The following ACER1 variants were observed in gnomAD, a reference collection of about 807,000 sequenced individuals.
ACER1 encodes the protein alkaline ceramidase 1.
A neutral mutation model predicts 24.9 loss-of-function variants in ACER1; 28 were observed. The ratio of observed to expected loss-of-function variants is 1.13; its 90% CI spans 0.83 to 1.54. The LOEUF is 1.54. Among genes scored for constraint, ACER1 ranks in the 40% most tolerant of loss-of-function variants. The probability of loss-of-function intolerance (pLI) is 0.00; values close to 1 mark genes in which losing one functional copy is unlikely to be tolerated. For missense variants in ACER1, 352 were observed against 349.3 expected (o/e 1.01, Z -0.06); for synonymous variants, 132 against 131.4 (o/e 1.00, Z -0.03).
At chr19:6,334,613 C>A (rs2091705465), upstream of ACER1, among the ~76,000 whole-genome samples, 3 of 152,118 alleles carry the variant, frequency 2.0e-5, no homozygotes, top group South Asian at 6.2e-4. Context: ...TCCCAAGGTG[C>A]CGGGATTATA....
upstream of ACER1, among the ~76,000 whole-genome samples, chr19:6,334,654 C>T (rs992665253): frequency 6.6e-6 from 1 of 152,054 alleles, no homozygotes; most frequent in African/African-American, 2.4e-5. Flanking sequence ...GCCTGAGTTC[C>T]TCTACTTTAA....
intron 1 of ACER1, among the ~76,000 whole-genome samples, chr19:6,327,902 C>G (rs2091668952): frequency 6.6e-6 from 1 of 151,404 alleles, no homozygotes; most frequent in South Asian, 2.1e-4. Flanking sequence ...TGGTGAAACC[C>G]CATCTCTACT....
At chr19:6,347,109 A>ATATATATATATATAT in the ACER1 span, among the ~76,000 whole-genome samples, 6 of 113,776 alleles carry the variant, frequency 5.3e-5, no homozygotes, top group African/African-American at 3.0e-4. Flanking sequence ...AAAAAAAAAA[A>ATATATATATATATAT]ATATATATAT....
the ACER1 span, among the ~76,000 whole-genome samples, chr19:6,342,494 C>A: frequency 1.7e-4 from 25 of 151,470 alleles, no homozygotes; most frequent in Non-Finnish European, 4.4e-5. Flanking sequence ...CTGAGGCGGG[C>A]GGATCACGAG....
chr19:6,338,414 T>C (rs958153306), upstream of ACER1, among the ~76,000 whole-genome samples: 2 of 152,232 alleles, frequency 1.3e-5, no homozygotes, highest in African/African-American at 4.8e-5. Context: ...AACACATGAA[T>C]GCATGGGAAA....
chr19:6,342,902 C>T, the ACER1 span, among the ~76,000 whole-genome samples: 2 of 151,866 alleles, frequency 1.3e-5, no homozygotes, highest in African/African-American at 2.4e-5. Flanking sequence ...CTCATCCTCC[C>T]GAATAGCTGG....
chr19:6,344,689 C>T, the ACER1 span, among the ~76,000 whole-genome samples: 1 of 151,804 alleles, frequency 6.6e-6, no homozygotes, highest in Non-Finnish European at 1.5e-5. Context: ...AGCCACCGCA[C>T]CTGGCCTGTG....
At chr19:6,356,984 G>T in the ACER1 span, among the ~76,000 whole-genome samples, 14 of 151,662 alleles carry the variant, frequency 9.2e-5, no homozygotes, top group Non-Finnish European at 1.5e-5. Context: ...AGAGTGCCTG[G>T]GATATTAGCA....
intron 1 of ACER1, among the ~76,000 whole-genome samples, chr19:6,324,725 G>A (rs1257275603): frequency 6.6e-6 from 1 of 150,870 alleles, no homozygotes; most frequent in Admixed American, 6.6e-5. Flanking sequence ...CTTTAGTCTG[G>A]GCAACAAGAG....
chr19:6,319,511 G>GTTCATTCA (rs141079232), intron 1 of ACER1, among the ~76,000 whole-genome samples: 11 of 151,920 alleles, frequency 7.2e-5, no homozygotes, highest in Middle Eastern at 3.4e-3. Context: ...TCATTCATTC[G>GTTCATTCA]TTCATTCATT....
chr19:6,331,479 CCT>C, intron 1 of ACER1, among the ~76,000 whole-genome samples: 3 of 136,218 alleles, frequency 2.2e-5, no homozygotes, highest in African/African-American at 9.8e-5. Flanking sequence ...CTGAGCAAGG[CCT>C]ATGTGCAGGG....
chr19:6,331,964 C>A (rs2091689240), intron 1 of ACER1, among the ~76,000 whole-genome samples: 1 of 131,648 alleles, frequency 7.6e-6, no homozygotes, highest in Non-Finnish European at 1.5e-5. Context: ...TTGTGCATTC[C>A]TATTTTTTTT....
chr19:6,335,519 G>A (rs34690810), upstream of ACER1, among the ~76,000 whole-genome samples: 10,928 of 152,016 alleles, frequency 0.072, 483 homozygotes, highest in South Asian at 0.24. Context: ...CACTGTGCCC[G>A]GCCTTCATTT....
At chr19:6,352,347 C>A in the ACER1 span, among the ~76,000 whole-genome samples, 3 of 152,166 alleles carry the variant, frequency 2.0e-5, no homozygotes, top group Non-Finnish European at 2.9e-5. Flanking sequence ...CTAACTCTCT[C>A]TGAAGTCAGT....
Position 6,333,571 on chromosome 19 carries a change from C to A in ACER1, c.-20G>T. ...AGGCATCTTGTCTCAGTGGCCACCA[C>A]CAGCCGGCTGCGCCCGGCAGAGAGA... On this transcript the variant is annotated 5_prime_UTR_variant, in exon 1 of 6. Coordinates refer to ENST00000301452, the MANE Select transcript of ACER1 (RefSeq NM_133492.3). 1.3e-6 allele frequency: 2 copies of A among 1,560,040 alleles called. No individual in the cohort carries two copies. The highest frequency in any genetic ancestry group is 2.4e-5 in the East Asian group (1 of 42,212).
At chr19:6,334,130 T>C (rs8109260), upstream of ACER1, among the ~76,000 whole-genome samples, 7,534 of 149,482 alleles carry the variant, frequency 0.05, 289 homozygotes, top group African/African-American at 0.11. Flanking sequence ...CTGCAAGCTC[T>C]GCCTCCCGTG....
At chr19:6,349,387 AGGAG>A in the ACER1 span, among the ~76,000 whole-genome samples, 4 of 139,884 alleles carry the variant, frequency 2.9e-5, no homozygotes, top group Admixed American at 7.1e-5. Context: ...GAGGGAAGGA[AGGAG>A]GGAGGGAGGG....
intron 1 of ACER1, among the ~76,000 whole-genome samples, chr19:6,323,204 A>G (rs1272609343): frequency 1.3e-5 from 2 of 152,040 alleles, no homozygotes; most frequent in Admixed American, 1.3e-4. Flanking sequence ...GCAGATCACG[A>G]AGTCAGGAGA....
chr19:6,347,109 A>AAT, the ACER1 span, among the ~76,000 whole-genome samples: 21,781 of 113,212 alleles, frequency 0.19, 2,562 homozygotes, highest in East Asian at 0.36. Context: ...AAAAAAAAAA[A>AAT]ATATATATAT....
Sources: allele counts gnomAD v4.1 joint callset (sites outside exome capture counted in the v4.1 genomes callset), GRCh38; gene constraint gnomAD v4.1.1; transcripts MANE v1.5; gene names NCBI Gene and HGNC (gene_info 2026-07-23, HGNC 2026-07-21).